Variants in CFAP92 observed in about 807,000 individuals in gnomAD.
CFAP92 encodes the protein cilia and flagella associated protein 92 (putative), also known as uncharacterized protein CFAP92.
Under a neutral mutation model 106.3 loss-of-function variants are expected in CFAP92, and 86 were observed. The ratio of observed to expected loss-of-function variants is 0.81; its 90% CI spans 0.68 to 0.97. CFAP92 has a LOEUF of 0.97. Ranked by LOEUF, CFAP92 falls within the 50% of genes least tolerant of loss-of-function variation. The pLI, the probability that CFAP92 is intolerant of heterozygous loss-of-function variation, is 0.00. For missense variants in CFAP92, 1,204 were observed against 1,283.8 expected, an observed-to-expected ratio of 0.94 and a Z score of 0.95; for synonymous variants, 477 against 506.4, an observed-to-expected ratio of 0.94 and a Z score of 0.78.
At chr3:128,948,267 C>T (rs1940433739) in intron 9 of CFAP92, among the ~76,000 whole-genome samples, 1 of 151,948 alleles carries the variant, frequency 6.6e-6, no homozygotes, top group Admixed American at 6.6e-5. Flanking sequence ...AATCATGGCT[C>T]ACTGCAGCCC....
At chr3:128,933,778 G>A (rs1032988572) in intron 11 of CFAP92, among the ~76,000 whole-genome samples, 42 of 152,090 alleles carry the variant, frequency 2.8e-4, no homozygotes, top group African/African-American at 9.2e-4. Context: ...AGGCAGGACC[G>A]GGTCTGGCCT....
At chr3:128,955,072 C>T (rs1333199352) in intron 9 of CFAP92, among the ~76,000 whole-genome samples, 4 of 5,406 alleles carry the variant, frequency 7.4e-4, no homozygotes, top group African/African-American at 5.0e-3. Flanking sequence ...CCCGGCCAGC[C>T]GCCCCGTCCG....
chr3:128,929,351 T>C (rs1938076582), intron 12 of CFAP92, among the ~76,000 whole-genome samples: 1 of 152,172 alleles, frequency 6.6e-6, no homozygotes, highest in Non-Finnish European at 1.5e-5. Context: ...TAAAAACCGC[T>C]TTTCTTACAA....
At chr3:129,008,538 A>G in the CFAP92 span, among the ~76,000 whole-genome samples, 1 of 152,244 alleles carries the variant, frequency 6.6e-6, no homozygotes, top group African/African-American at 2.4e-5. Context: ...TATGTAAGCA[A>G]TTGGAGACAT....
the CFAP92 span, among the ~76,000 whole-genome samples, chr3:129,012,629 G>C: frequency 1.3e-5 from 2 of 152,234 alleles, no homozygotes; most frequent in Non-Finnish European, 2.9e-5. Context: ...CAGGCTACTA[G>C]GATAGTCCTG....
chr3:128,941,714 C>T (rs1680792), intron 10 of CFAP92, among the ~76,000 whole-genome samples: 37,544 of 151,908 alleles, frequency 0.25, 5,035 homozygotes, highest in East Asian at 0.55. Context: ...TGACCTCAGG[C>T]GATCCGCCCA....
chr3:128,953,602 C>T (rs1385758096), intron 9 of CFAP92, among the ~76,000 whole-genome samples: 1 of 117,248 alleles, frequency 8.5e-6, no homozygotes, highest in Non-Finnish European at 1.6e-5. Context: ...TCTCCCTCCC[C>T]CTCTCCCTCT....
At chr3:128,940,771 A>T (rs1232783313) in intron 10 of CFAP92, among the ~76,000 whole-genome samples, 1 of 152,126 alleles carries the variant, frequency 6.6e-6, no homozygotes, top group Non-Finnish European at 1.5e-5. Context: ...TAGTACAGCA[A>T]GTTCTTCTAT....
intron 12 of CFAP92, among the ~76,000 whole-genome samples, chr3:128,922,122 G>T (rs552585734): frequency 6.6e-6 from 1 of 152,040 alleles, no homozygotes; most frequent in African/African-American, 2.4e-5. Context: ...GGCAGATCAC[G>T]AGGTCAGGAG....
At chr3:128,986,989 C>T (rs1273609256) in intron 4 of CFAP92, among the ~76,000 whole-genome samples, 5 of 152,102 alleles carry the variant, frequency 3.3e-5, no homozygotes, top group Admixed American at 6.5e-5. Flanking sequence ...GGCGAAACCC[C>T]GTCTCTACTA....
Position 128,932,941 on chromosome 3 carries a change from A to G in CFAP92, c.2510T>C (p.Leu837Pro). 6.5e-7 allele frequency: 1 copy of G among 1,536,114 alleles called. No individual in the cohort carries two copies. Among genetic ancestry groups the G allele is most frequent in the South Asian group, 1.2e-5 (1 of 84,064 alleles). Residue 837 changes from leucine to proline, a missense_variant, in exon 12 of 16, where the codon CTG (leucine) becomes CCG (proline). By Grantham distance (98) the Leu-to-Pro change is moderately conservative. Coordinates refer to ENST00000645291, the MANE Select transcript of CFAP92 (RefSeq NM_001394090.1). ...TTTTATCATAGCAGAGGAGGGCAGC[A>G]GGTCCCTCACCGTCACGTCCCAGAG... ...TTLWDVTVRDLLPSSAMIKDL... is the reference protein window; with the variant it reads ...TTLWDVTVRDPLPSSAMIKDL...
At chr3:128,917,533 G>A (rs1243618528) in intron 12 of CFAP92, among the ~76,000 whole-genome samples, 1 of 152,134 alleles carries the variant, frequency 6.6e-6, no homozygotes, top group Admixed American at 6.5e-5. Flanking sequence ...AGATGCTGGA[G>A]AAGTAAATAC....
intron 9 of CFAP92, among the ~76,000 whole-genome samples, chr3:128,959,957 T>C (rs927633183): frequency 2.1e-4 from 32 of 152,198 alleles, no homozygotes; most frequent in African/African-American, 7.5e-4. Context: ...TTGTGATTTG[T>C]TCCCGCCCCA....
chr3:128,921,630 C>G (rs1304694220), intron 12 of CFAP92, among the ~76,000 whole-genome samples: 1 of 152,218 alleles, frequency 6.6e-6, no homozygotes, highest in Admixed American at 6.5e-5. Flanking sequence ...AAAAGGAAAT[C>G]AAAAGGCAAA....
the CFAP92 span, among the ~76,000 whole-genome samples, chr3:129,024,919 G>T: frequency 1.3e-5 from 2 of 152,192 alleles, no homozygotes; most frequent in African/African-American, 2.4e-5. Flanking sequence ...CGAAGAACCA[G>T]GAGGATTTTC....
intron 15 of CFAP92, among the ~76,000 whole-genome samples, chr3:128,911,785 A>G (rs1936357422): frequency 6.6e-6 from 1 of 152,194 alleles, no homozygotes; most frequent in Admixed American, 6.5e-5. Flanking sequence ...TCACGAAGGG[A>G]GGAGCATCTG....
rs1452998707 is a variant in CFAP92, at chr3:128,956,202, A to T, written c.1353+9309T>A. On this transcript the variant is annotated intron_variant, in intron 9 of 15. Transcript: ENST00000645291. The stretch of plus-strand genomic sequence containing the variant: ...AATAAATTAAAAAAAAAAATAAAAA[A>T]AAAATAAAAAAATAAAAAAAAAAAA... Among the ~76,000 whole-genome samples, 49 of 94,546 alleles carry T rather than the reference A, an allele frequency of 5.2e-4. 2 individuals are homozygous for T. Among genetic ancestry groups the T allele is most frequent in the African/African-American group, 1.5e-3 (16 of 10,910 alleles). 62.0% of individuals were successfully genotyped at this position (94,546 alleles called of 152,430 possible).
intron 2 of CFAP92, 77 bp from the exon 3 acceptor site, chr3:128,988,995 C>G: frequency 8.6e-7 from 1 of 1,166,372 alleles, no homozygotes; most frequent in Non-Finnish European, 1.2e-6. Flanking sequence ...TTCCCTGGAG[C>G]TTGATGTTGT....
upstream of CFAP92, among the ~76,000 whole-genome samples, chr3:129,003,012 A>T (rs546121141): frequency 9.2e-5 from 14 of 152,314 alleles, no homozygotes; most frequent in South Asian, 1.2e-3. Flanking sequence ...GTGCCAGCCG[A>T]GCACCAAGGG....
Sources: allele counts gnomAD v4.1 joint callset (sites outside exome capture counted in the v4.1 genomes callset), GRCh38; gene constraint gnomAD v4.1.1; transcripts MANE v1.5; gene names NCBI Gene and HGNC (gene_info 2026-07-23, HGNC 2026-07-21).